ARHGAP42: variants seen among roughly 807,000 people sequenced by gnomAD.
ARHGAP42 encodes the protein Rho GTPase activating protein 42.
ARHGAP42 carries 63 observed loss-of-function variants against 125.0 expected under a neutral mutation model. The ratio of observed to expected loss-of-function variants is 0.50; its 90% confidence interval spans 0.41 to 0.62. The LOEUF (loss-of-function observed/expected upper bound fraction) is 0.62, where lower values mean the gene tolerates loss of function less well. Among genes scored for constraint, ARHGAP42 ranks in the 20% least tolerant of loss-of-function variants. ARHGAP42 has a pLI of 0.00. For missense variants in ARHGAP42, 766 were observed against 1,024.2 expected, an observed-to-expected ratio of 0.75 and a Z score of 3.44; for synonymous variants, 339 against 351.0, an observed-to-expected ratio of 0.97 and a Z score of 0.38.
intron 1 of ARHGAP42, among the ~76,000 whole-genome samples, chr11:100,715,680 A>C (rs1262250209): frequency 6.6e-6 from 1 of 152,178 alleles, no homozygotes; most frequent in East Asian, 1.9e-4. Flanking sequence ...TCCTCCTCTG[A>C]GAGTGATACT....
rs940662313 is a variant in ARHGAP42, at chr11:100,973,799, G to T, written c.1710+465G>T. Among the ~76,000 whole-genome samples the T allele has an allele frequency of 4.6e-5, 7 of 152,278 alleles. 1 individual carries two copies. Among genetic ancestry groups the T allele is most frequent in the Middle Eastern group, 6.8e-3 (2 of 294 alleles). ...AATAACTATGAAAATGGGAAATTTT[G>T]AAAGCTGAATTAGTTGGAGTATTAA... On this transcript the variant is annotated intron_variant, in intron 18 of 23. Coordinates refer to ENST00000298815, the MANE Select transcript of ARHGAP42 (RefSeq NM_152432.4).
chr11:100,983,043 C>T (rs1031942680), intron 22 of ARHGAP42, among the ~76,000 whole-genome samples: 4 of 152,078 alleles, frequency 2.6e-5, no homozygotes, highest in African/African-American at 9.7e-5. Context: ...ATTTCATCAC[C>T]TGAAGAAAAC....
chr11:100,700,106 G>C (rs1403285012), intron 1 of ARHGAP42, among the ~76,000 whole-genome samples: 1 of 152,152 alleles, frequency 6.6e-6, no homozygotes, highest in African/African-American at 2.4e-5. Context: ...ACAATACAGT[G>C]AGTCATGTAA....
At chr11:100,866,280 A>G (rs1474521268) in intron 4 of ARHGAP42, among the ~76,000 whole-genome samples, 1 of 152,188 alleles carries the variant, frequency 6.6e-6, no homozygotes, top group African/African-American at 2.4e-5. Flanking sequence ...ATTTGCAGGA[A>G]GTTCCTCCAC....
chr11:100,821,966 G>T (rs1048836980), intron 3 of ARHGAP42, among the ~76,000 whole-genome samples: 7 of 152,026 alleles, frequency 4.6e-5, no homozygotes, highest in Non-Finnish European at 8.8e-5. Context: ...CTTCATCTAG[G>T]TAGAATACTG....
chr11:100,693,458 T>C lies in ARHGAP42; in HGVS notation c.154+5626T>C, dbSNP rs566099909. Among the ~76,000 whole-genome samples the C allele has an allele frequency of 4.8e-4, 73 of 152,328 alleles. No homozygotes were observed. The South Asian group carries it at 0.015, about 32-fold the overall frequency. On this transcript the variant is annotated intron_variant, in intron 1 of 23. Transcript: ENST00000298815. ...TTGCAAGTAAAAGCAGTTATACTTG[T>C]GTTAATTTAAATGTGAGCCTTGGCA...
intron 8 of ARHGAP42, among the ~76,000 whole-genome samples, 158 bp from the exon 9 acceptor site, chr11:100,941,614 TCTACCCTATACC>T (rs1867887424): frequency 4.3e-4 from 1 of 2,338 alleles, no homozygotes; most frequent in South Asian, 0.011. Flanking sequence ...TCTAAGACAC[TCTACCCTATACC>T]GCTGTCCCTC....
intron 1 of ARHGAP42, among the ~76,000 whole-genome samples, chr11:100,699,862 AG>A (rs1861367982): frequency 6.6e-6 from 1 of 152,012 alleles, no homozygotes; most frequent in African/African-American, 2.4e-5. Context: ...TGGAAATAAA[AG>A]TGCCAGCAGT....
Position 100,805,723 on chromosome 11 carries a change from TC to T in ARHGAP42, c.312+10560del, listed in dbSNP as rs551261897. Among the ~76,000 whole-genome samples the T allele has an allele frequency of 2.0e-5, 3 of 152,324 alleles. No homozygotes were observed. The South Asian group carries it at 6.2e-4, about 32-fold the overall frequency. ...ACAGTTCCTGGAACTGAAGGTCCCT[TC>T]CCTTTTTAGACCATGTAGGGTAACT... On this transcript the variant is annotated intron_variant, in intron 3 of 23. Transcript: ENST00000298815.
At chr11:100,904,296 T>G (rs1028998894) in intron 4 of ARHGAP42, among the ~76,000 whole-genome samples, 1 of 151,556 alleles carries the variant, frequency 6.6e-6, no homozygotes, top group Non-Finnish European at 1.5e-5. Context: ...CAGGCTGAAG[T>G]ACAGTGGTGT....
At chr11:100,824,882 A>G (rs913309307) in intron 3 of ARHGAP42, among the ~76,000 whole-genome samples, 2 of 152,202 alleles carry the variant, frequency 1.3e-5, no homozygotes, top group African/African-American at 4.8e-5. Flanking sequence ...TCTAAGCTGT[A>G]GGCTCCTTGA....
At chr11:100,987,407 G>A in intron 22 of ARHGAP42, 106 bp from the exon 23 acceptor site, 1 of 911,012 alleles carries the variant, frequency 1.1e-6, no homozygotes. Context: ...TGTACATTAT[G>A]TTCCAATTAC....
At chr11:100,875,675 TC>T (rs1416743906) in intron 4 of ARHGAP42, among the ~76,000 whole-genome samples, 171 of 152,034 alleles carry the variant, frequency 1.1e-3, no homozygotes, top group Admixed American at 3.5e-3. Context: ...GCAACAGAGG[TC>T]AACCCCATCC....
chr11:100,991,163 C>A lies in ARHGAP42; in HGVS notation c.*2362C>A, dbSNP rs1186099392. The A allele has an allele frequency of 6.6e-6, 1 of 151,396 alleles. No homozygotes were observed. Among genetic ancestry groups the A allele is most frequent in the Admixed American group, 6.6e-5 (1 of 15,202 alleles). 9.4% of individuals were successfully genotyped at this position (151,396 alleles called of 1,614,324 possible). A position where few individuals can be genotyped will look rare whatever the true frequency, so the allele number is the denominator to read the frequency against. On this transcript the variant is annotated 3_prime_UTR_variant, in exon 24 of 24. Transcript: ENST00000298815. ...TAATCTTCTAGATTTGTGAGGATGG[C>A]TCTTTTTCCTTCATAATGGATTACA...
intron 3 of ARHGAP42, among the ~76,000 whole-genome samples, chr11:100,856,995 C>A (rs1422299279): frequency 2.6e-5 from 4 of 151,910 alleles, no homozygotes; most frequent in African/African-American, 9.7e-5. Flanking sequence ...TAATACATTC[C>A]AGATCATTTT....
chr11:100,712,515 C>T (rs564578634), intron 1 of ARHGAP42, among the ~76,000 whole-genome samples: 3 of 152,100 alleles, frequency 2.0e-5, no homozygotes, highest in African/African-American at 7.2e-5. Flanking sequence ...AGATATTTTT[C>T]TTCCTCCCCC....
intron 9 of ARHGAP42, 122 bp downstream of exon 9, chr11:100,942,006 G>T: frequency 2.6e-6 from 2 of 772,422 alleles, no homozygotes; most frequent in African/African-American, 1.8e-5. Flanking sequence ...AAAAATAGAA[G>T]GTCAAAGGTT....
intron 3 of ARHGAP42, among the ~76,000 whole-genome samples, chr11:100,795,367 A>G (rs941869525): frequency 1.3e-5 from 2 of 152,154 alleles, no homozygotes; most frequent in African/African-American, 4.8e-5. Flanking sequence ...TTCTAATTAT[A>G]TGCTTGGCAT....
chr11:100,866,388 T>C (rs1388618933), intron 4 of ARHGAP42, among the ~76,000 whole-genome samples: 1 of 152,208 alleles, frequency 6.6e-6, no homozygotes, highest in Non-Finnish European at 1.5e-5. Context: ...TGTTGAATCC[T>C]TTCCAGAAGG....
Sources: gnomAD v4.1 joint callset for allele counts (sites outside exome capture counted in the v4.1 genomes callset) on GRCh38, gnomAD v4.1.1 for gene constraint, MANE v1.5 for transcripts, NCBI Gene and HGNC (gene_info 2026-07-23, HGNC 2026-07-21) for gene names.